MYOF: variants seen among roughly 807,000 people sequenced by gnomAD.
MYOF encodes fer-1-like 3, myoferlin.
MYOF carries 244 observed loss-of-function variants against 284.2 expected under a neutral mutation model. That is an observed-to-expected ratio of 0.86 (90% CI 0.77 to 0.95). The LOEUF (loss-of-function observed/expected upper bound fraction) is 0.95, where lower values mean the gene tolerates loss of function less well. MYOF is among the 40% of genes least tolerant of loss of function. MYOF has a pLI of 0.00. For synonymous variants in MYOF, 904 were observed against 919.7 expected, an observed-to-expected ratio of 0.98 and a Z score of 0.31; for missense variants, 2,496 against 2,560.6, an observed-to-expected ratio of 0.97 and a Z score of 0.54.
chr10:93,320,046 C>G (rs775864964), intron 48 of MYOF, 33 bp from the exon 49 acceptor site: 5 of 1,611,406 alleles, frequency 3.1e-6, no homozygotes, highest in East Asian at 2.2e-5. Context: ...CTTAGCTTCA[C>G]GTGATTGACA....
At chr10:93,414,003 A>AAAAAG (rs975200515) in intron 5 of MYOF, among the ~76,000 whole-genome samples, 2 of 152,134 alleles carry the variant, frequency 1.3e-5, no homozygotes, top group African/African-American at 2.4e-5. Context: ...GAAAGGTAAG[A>AAAAAG]AAAAGAAAAG....
At position 93,353,886 on chromosome 10, in the gene MYOF, C is replaced by T. The variant is rs36032890; in HGVS notation, c.3406G>A (p.Val1136Ile). The stretch of plus-strand genomic sequence containing the variant: ...TAGCAGCGCAGATGGTAGATGTAGA[C>T]TCCTAAAAAAACAGGATAAAGATTA... ...TPIVSCNFDR[V>I]YIYHLRCYVY... Residue 1136 changes from valine (V) to isoleucine (I), a missense_variant and splice_region_variant, in exon 32 of 54, where the codon GTC becomes ATC. Physicochemically the swap from Val to Ile is conservative, Grantham distance 29. This residue lies in a region of MYOF where 2,436 missense variants were observed against 2,480.7 expected (regional missense o/e 0.98). Coordinates refer to ENST00000359263, the MANE Select transcript of MYOF (RefSeq NM_013451.4). 8,263 of 1,601,690 alleles carry T rather than the reference C, an allele frequency of 5.2e-3. 365 individuals are homozygous for T. In the African/African-American group the frequency reaches 0.094, roughly 18 times the overall value.
chr10:93,400,326 CTTCT>C (rs1402348941), intron 12 of MYOF, among the ~76,000 whole-genome samples: 1 of 67,058 alleles, frequency 1.5e-5, no homozygotes. Flanking sequence ...TCTTCTTCTT[CTTCT>C]TTTTTTTTTT....
intron 36 of MYOF, 36 bp from the exon 37 acceptor site, chr10:93,347,818 C>T (rs896564857): frequency 5.0e-6 from 8 of 1,592,632 alleles, no homozygotes; most frequent in Admixed American, 1.7e-5. Context: ...TTTCTCAAGA[C>T]CAGACGAGGG....
intron 53 of MYOF, 34 bp downstream of exon 53, chr10:93,309,986 A>G (rs768040709): frequency 4.3e-6 from 7 of 1,612,934 alleles, no homozygotes; most frequent in Non-Finnish European, 5.9e-6. Context: ...ACTCACAAGA[A>G]AGCCAAGACA....
chr10:93,431,760 T>A (rs1848885728), intron 3 of MYOF, among the ~76,000 whole-genome samples: 1 of 150,984 alleles, frequency 6.6e-6, no homozygotes, highest in Non-Finnish European at 1.5e-5. Context: ...TTTTTTTTTT[T>A]TTTGAGACAG....
In MYOF at chr10:93,374,753, A is replaced by G; in HGVS notation, c.2301+10T>C. 6.2e-7 allele frequency: 1 copy of G among 1,611,332 alleles called. No individual in the cohort carries two copies. Among genetic ancestry groups the G allele is most frequent in the South Asian group, 1.1e-5 (1 of 90,608 alleles). ...TATCAGGTGACGTTTGTGTAGTTTA[A>G]AAGTCCTACCTCTTCAGTCAGCTGC... On this transcript the variant is annotated intron_variant, in intron 23 of 53. Coordinates refer to ENST00000359263, the MANE Select transcript of MYOF (RefSeq NM_013451.4).
In MYOF at chr10:93,377,303, T is replaced by C. The variant is rs938811391; in HGVS notation, c.2108+20A>G. On this transcript the variant is annotated intron_variant, in intron 22 of 53. Transcript: ENST00000359263. ...GAGCGCCTGGATGAAAATTCTGAGA[T>C]AGGCGTAAGATCACTGTACCTCGTG... The C allele has an allele frequency of 5.8e-6, 9 of 1,559,488 alleles. No homozygotes were observed. The highest frequency in any genetic ancestry group is 5.0e-5 in the Admixed American group (3 of 59,514).
intron 1 of MYOF, chr10:93,478,295 C>A: frequency 4.1e-6 from 1 of 241,356 alleles, no homozygotes; most frequent in South Asian, 4.7e-5. Flanking sequence ...TGGCTGTCCG[C>A]ATGGAACTTA....
chr10:93,319,743 C>T, intron 49 of MYOF, 129 bp downstream of exon 49: 13 of 1,253,858 alleles, frequency 1.0e-5, no homozygotes, highest in South Asian at 4.4e-5. Flanking sequence ...TGGCAGATTC[C>T]CCATCTCTGC....
Position 93,477,088 on chromosome 10 carries a change from G to A in MYOF, c.88+5019C>T, listed in dbSNP as rs2057279635. 2.0e-5 allele frequency among the ~76,000 whole-genome samples: 3 copies of A among 152,210 alleles called. No homozygotes were observed. In the South Asian group the frequency reaches 6.2e-4, roughly 32 times the overall value. On this transcript the variant is annotated intron_variant, in intron 1 of 53. Coordinates refer to ENST00000359263, the MANE Select transcript of MYOF (RefSeq NM_013451.4). The stretch of plus-strand genomic sequence containing the variant: ...TAAAGGCACAATAATATAAAAGTAT[G>A]CAAGAAAACCTCCGCTCAATCACCT...
chr10:93,471,155 A>G (rs974994755), intron 1 of MYOF, among the ~76,000 whole-genome samples: 1 of 152,162 alleles, frequency 6.6e-6, no homozygotes, highest in Non-Finnish European at 1.5e-5. Context: ...ACAAGAAGTT[A>G]TGGTTCTAGT....
chr10:93,475,815 T>A (rs368256885), intron 1 of MYOF, among the ~76,000 whole-genome samples: 1 of 152,158 alleles, frequency 6.6e-6, no homozygotes, highest in East Asian at 1.9e-4. Flanking sequence ...AGGTGAGATG[T>A]GTTGTGAAGG....
chr10:93,328,813 T>C lies in MYOF; in HGVS notation c.5081A>G (p.Asp1694Gly), dbSNP rs757113234. The change falls in exon 45 of 54, where the codon GAT becomes GGT. Residue 1694 changes from aspartate to glycine, a missense_variant. By Grantham distance (94) the Asp-to-Gly change is moderately conservative (BLOSUM62 -1). Coordinates refer to ENST00000359263, the MANE Select transcript of MYOF (RefSeq NM_013451.4). The part of the protein sequence containing the change: ...KGFPQPILSE[D>G]GSRIRYGGRD... The stretch of plus-strand genomic sequence containing the variant: ...TCCTCCATATCTGATTCTACTCCCA[T>C]CTTCGGAAAGGATGGGTTGTGGGAA... 6.2e-6 allele frequency: 10 copies of C among 1,613,748 alleles called. No individual in the cohort carries two copies. The East Asian group carries it at 1.3e-4, about 22-fold the overall frequency.
intron 3 of MYOF, among the ~76,000 whole-genome samples, chr10:93,433,589 G>T (rs547462264): frequency 6.6e-6 from 1 of 152,238 alleles, no homozygotes; most frequent in Non-Finnish European, 1.5e-5. Context: ...TAAAGTGATA[G>T]AAGAGATTCC....
At chr10:93,316,226 T>TG (rs911403239) in intron 50 of MYOF, among the ~76,000 whole-genome samples, 1 of 150,430 alleles carries the variant, frequency 6.6e-6, no homozygotes, top group African/African-American at 2.5e-5. Flanking sequence ...CACAGTGCCA[T>TG]GGGGGGCGAG....
intron 26 of MYOF, among the ~76,000 whole-genome samples, chr10:93,365,946 C>A (rs147051581): frequency 2.3e-4 from 35 of 152,274 alleles, no homozygotes; most frequent in Non-Finnish European, 3.5e-4. Flanking sequence ...ATGAAAAAGT[C>A]GAGCAAATAT....
At chr10:93,311,510 A>G (rs1439471048) in intron 51 of MYOF, among the ~76,000 whole-genome samples, 1 of 151,470 alleles carries the variant, frequency 6.6e-6, no homozygotes, top group Non-Finnish European at 1.5e-5. Flanking sequence ...AGTCCCAGCT[A>G]CTTGGGAGGC....
intron 13 of MYOF, among the ~76,000 whole-genome samples, chr10:93,397,868 T>C (rs1847097582): frequency 6.6e-6 from 1 of 152,040 alleles, no homozygotes; most frequent in South Asian, 2.1e-4. Context: ...TCCATCGCTC[T>C]TCATTCAGGT....
Sources: gnomAD v4.1 joint callset for allele counts (sites outside exome capture counted in the v4.1 genomes callset) on GRCh38, gnomAD v4.1.1 for gene constraint, gnomAD v4.1.1 regional missense constraint, MANE v1.5 for transcripts, NCBI Gene and HGNC (gene_info 2026-07-23, HGNC 2026-07-21) for gene names.